Variants in NCKAP5L observed in about 807,000 individuals in gnomAD.
NCKAP5L encodes nck-associated protein 5-like.
A neutral mutation model predicts 103.2 loss-of-function variants in NCKAP5L; 54 were observed. The ratio of observed to expected loss-of-function variants is 0.52; its 90% CI spans 0.42 to 0.66. NCKAP5L has a LOEUF of 0.66. Ranked by LOEUF, NCKAP5L falls within the 30% of genes least tolerant of loss-of-function variation. NCKAP5L has a pLI of 0.00. For synonymous variants in NCKAP5L, 762 were observed against 748.6 expected (o/e 1.02, Z -0.29); for missense variants, 1,733 against 1,750.6 (o/e 0.99, Z 0.18).
intron 8 of NCKAP5L, 29 bp downstream of exon 8, chr12:49,794,736 G>A (rs749780952): frequency 3.5e-6 from 5 of 1,433,126 alleles, no homozygotes; most frequent in Non-Finnish European, 4.6e-6. Flanking sequence ...AGCCCACCAA[G>A]CCCCTGTTGA....
At chr12:49,811,778 T>C (rs1231149665) in intron 1 of NCKAP5L, among the ~76,000 whole-genome samples, 1 of 151,996 alleles carries the variant, frequency 6.6e-6, no homozygotes, top group Non-Finnish European at 1.5e-5. Flanking sequence ...TTTTATTCTC[T>C]TAAACAAACA....
rs527931673 is a variant in NCKAP5L, at chr12:49,796,457, C to T, written c.1403G>A (p.Ser468Asn). ...FLKLPPTSEK[S>N]PSPGGPQLSP... ...GAGCTGCGGGCCTCCTGGGCTGGGGCTCTTCTCCGAGGTTGGAGGCAGCTT... is the reference window on the plus strand; with the variant it reads ...GAGCTGCGGGCCTCCTGGGCTGGGGTTCTTCTCCGAGGTTGGAGGCAGCTT... Residue 468 changes from serine (S) to asparagine (N), a missense_variant, in exon 8 of 13, where the codon AGC becomes AAC. Transcript: ENST00000335999. 5 of 1,535,062 alleles carry T rather than the reference C, an allele frequency of 3.3e-6. No individual in the cohort carries two copies. The South Asian group carries it at 6.3e-5, about 19-fold the overall frequency.
Position 49,803,144 on chromosome 12 carries a change from G to A in NCKAP5L, c.145C>T (p.Gln49Ter). 6.2e-7 allele frequency: 1 copy of A among 1,614,172 alleles called. No individual in the cohort carries two copies. The highest frequency in any genetic ancestry group is 8.5e-7 in the Non-Finnish European group (1 of 1,180,038). ...ELEAENSALA[Q>*]ANENQRETYE... Reference sequence around the variant, plus strand: ...GTCTCCCGCTGGTTTTCGTTGGCCTGGGCAAGTGCCGAGTTCTCTGCCTGC... The same window carrying A: ...GTCTCCCGCTGGTTTTCGTTGGCCTAGGCAAGTGCCGAGTTCTCTGCCTGC... Residue 49 changes from glutamine (Q) to a stop codon, truncating the protein, a stop_gained, in exon 4 of 13, where the codon CAG becomes TAG. Coordinates refer to ENST00000335999, the MANE Select transcript of NCKAP5L (RefSeq NM_001037806.4). LOFTEE classifies it high-confidence loss of function.
At position 49,795,054 on chromosome 12, in the gene NCKAP5L, C is replaced by G; in HGVS notation, c.2806G>C (p.Glu936Gln). The change falls in exon 8 of 13, where the codon GAG (glutamate) becomes CAG (glutamine). Residue 936 changes from glutamate to glutamine, a missense_variant. Physicochemically the swap from Glu to Gln is conservative, Grantham distance 29. Transcript: ENST00000335999. ...GCCCCCTCCTTGTTCTTGGTGGCCTCTGTGCGGCGGTTCAGCGCTGGCAGC... is the reference window on the plus strand; with the variant it reads ...GCCCCCTCCTTGTTCTTGGTGGCCTGTGTGCGGCGGTTCAGCGCTGGCAGC... ...SKLPALNRRT[E>Q]ATKNKEGAGG... The G allele has an allele frequency of 6.2e-7, 1 of 1,610,866 alleles. No homozygotes were observed. The highest frequency in any genetic ancestry group is 2.2e-5 in the East Asian group (1 of 44,804).
chr12:49,819,070 C>T (rs1421146784), intron 1 of NCKAP5L, among the ~76,000 whole-genome samples: 3 of 150,924 alleles, frequency 2.0e-5, no homozygotes, highest in African/African-American at 4.9e-5. Context: ...CAGTGGCTCG[C>T]GCCTGTAATC....
In NCKAP5L at chr12:49,797,813, A is replaced by G. The variant is rs188249587; in HGVS notation, c.466-419T>C. On this transcript the variant is annotated intron_variant, in intron 7 of 12. Transcript: ENST00000335999. The surrounding 1 kb of genome is among the most constrained non-coding windows in gnomAD (Gnocchi z 4.5). ...GTGTGATGTGGCCAAGTCCTAAGTC[A>G]GTCACTATAGGCAAACCCAGGCCTC... is the stretch of plus-strand genomic sequence containing the variant. Among the ~76,000 whole-genome samples, 88 of 152,286 alleles carry G rather than the reference A, an allele frequency of 5.8e-4. 1 individual carries two copies. Among genetic ancestry groups the G allele is most frequent in the African/African-American group, 2.0e-3 (82 of 41,570 alleles).
At chr12:49,799,855 T>G (rs1946099444) in intron 6 of NCKAP5L, among the ~76,000 whole-genome samples, 1 of 152,210 alleles carries the variant, frequency 6.6e-6, no homozygotes, top group Non-Finnish European at 1.5e-5. Flanking sequence ...GCTCATGCTG[T>G]TCTTTCCACA....
chr12:49,810,453 G>A (rs938639564), intron 1 of NCKAP5L, among the ~76,000 whole-genome samples: 24 of 152,266 alleles, frequency 1.6e-4, no homozygotes, highest in African/African-American at 5.1e-4. Flanking sequence ...GTTTCTTCAC[G>A]CCAAGTGGTT....
chr12:49,808,374 G>A (rs1255907140), intron 1 of NCKAP5L, among the ~76,000 whole-genome samples: 2 of 152,202 alleles, frequency 1.3e-5, no homozygotes, highest in Non-Finnish European at 2.9e-5. Context: ...CCCAGGATGA[G>A]GGGGCCTCCT....
chr12:49,807,792 GC>G (rs1404007381), intron 1 of NCKAP5L, among the ~76,000 whole-genome samples: 2 of 152,166 alleles, frequency 1.3e-5, no homozygotes, highest in African/African-American at 4.8e-5. Context: ...GCAGCAACCT[GC>G]CCATCGGTCC....
At chr12:49,794,708 G>C in intron 8 of NCKAP5L, 57 bp downstream of exon 8, 3 of 1,339,250 alleles carry the variant, frequency 2.2e-6, no homozygotes, top group South Asian at 3.2e-5. Flanking sequence ...GTGTGCCCAC[G>C]AAGGGAAAAG....
intron 3 of NCKAP5L, 150 bp from the exon 4 acceptor site, chr12:49,803,315 G>A: frequency 1.3e-6 from 1 of 754,496 alleles, no homozygotes; most frequent in Non-Finnish European, 2.2e-6. Context: ...ATTCTCATAT[G>A]AGGAATCCTG....
At position 49,796,447 on chromosome 12, in the gene NCKAP5L, T is replaced by C; in HGVS notation, c.1413A>G (p.Pro471=). ...GCTGGGGACTGAGCTGCGGGCCTCC[T>C]GGGCTGGGGCTCTTCTCCGAGGTTG... ...LPPTSEKSPS[P]GGPQLSPQLP... Residue 471 remains proline, a synonymous_variant, in exon 8 of 13, where the codon CCA becomes CCG. Transcript: ENST00000335999. 6.5e-7 allele frequency: 1 copy of C among 1,541,342 alleles called. No homozygotes were observed.
rs1945960408 is a variant in NCKAP5L, at chr12:49,792,808, G to C, written c.3519C>G (p.Ala1173=). 1 of 1,595,164 alleles carries C rather than the reference G, an allele frequency of 6.3e-7. No homozygotes were observed. The highest frequency in any genetic ancestry group is 8.5e-7 in the Non-Finnish European group (1 of 1,173,716). Residue 1173 remains alanine (A), a synonymous_variant, in exon 11 of 13, where the codon GCC becomes GCG. Coordinates refer to ENST00000335999, the MANE Select transcript of NCKAP5L (RefSeq NM_001037806.4). This position sits in a 1 kb window ranked among gnomAD's most constrained non-coding sequence, Gnocchi z 4.5. ...PPPLTKVPRR[A]HTLEREVPGI... ...CTGGCACCTCCCGCTCCAGTGTGTG[G>C]GCGCGGCGGGGGACTTTGGTAAGGG... is the stretch of plus-strand genomic sequence containing the variant.
At chr12:49,803,412 G>A (rs947002673) in intron 3 of NCKAP5L, among the ~76,000 whole-genome samples, 2 of 152,182 alleles carry the variant, frequency 1.3e-5, no homozygotes, top group African/African-American at 4.8e-5. Flanking sequence ...TGGGGGCTCT[G>A]GGGGATACAG....
Position 49,796,132 on chromosome 12 carries a change from T to C in NCKAP5L, c.1728A>G (p.Pro576=). The C allele has an allele frequency of 1.2e-6, 2 of 1,611,568 alleles. No homozygotes were observed. The highest frequency in any genetic ancestry group is 1.7e-6 in the Non-Finnish European group (2 of 1,179,088). Reference sequence around the variant, plus strand: ...GGTAGGTGGGCACCTGCAGTGGGGATGGAGGTGGCTCTGGGGAAGGCCCCC... The same window carrying C: ...GGTAGGTGGGCACCTGCAGTGGGGACGGAGGTGGCTCTGGGGAAGGCCCCC... The part of the protein sequence containing the change: ...TFRGPSPEPP[P]SPLQVPTYPQ... Residue 576 remains proline, a synonymous_variant, in exon 8 of 13, where the codon CCA becomes CCG. Coordinates refer to ENST00000335999, the MANE Select transcript of NCKAP5L (RefSeq NM_001037806.4).
intron 8 of NCKAP5L, 51 bp downstream of exon 8, chr12:49,794,708 GAAGGGA>G (rs1171927224): frequency 5.2e-5 from 70 of 1,339,136 alleles, no homozygotes; most frequent in Non-Finnish European, 6.2e-5. Context: ...GTGTGCCCAC[GAAGGGA>G]AAAGTGCCCC....
chr12:49,814,920 A>G (rs1157236204), intron 1 of NCKAP5L, among the ~76,000 whole-genome samples: 1 of 152,182 alleles, frequency 6.6e-6, no homozygotes, highest in Non-Finnish European at 1.5e-5. Flanking sequence ...GGACTGGTCA[A>G]CATTTTGGAG....
rs1946122801 is a variant in NCKAP5L, at chr12:49,801,847, C to A, written c.351+1G>T. The A allele has an allele frequency of 6.2e-7, 1 of 1,613,920 alleles. No individual in the cohort carries two copies. Among genetic ancestry groups the A allele is most frequent in the Non-Finnish European group, 8.5e-7 (1 of 1,179,854 alleles). On this transcript the variant is annotated splice_donor_variant, in intron 6 of 12. Transcript: ENST00000335999. LOFTEE classifies it high-confidence loss of function. Reference sequence around the variant, plus strand: ...GGAGTGAAAGGAGCGCAGATGCCTACCTGAGGGAGCGAGCCTGTCGTGAGC... The same window carrying A: ...GGAGTGAAAGGAGCGCAGATGCCTAACTGAGGGAGCGAGCCTGTCGTGAGC...
Sources: gnomAD v4.1 joint callset for allele counts (sites outside exome capture counted in the v4.1 genomes callset) on GRCh38, gnomAD v4.1.1 for gene constraint, Gnocchi (gnomAD v3.1) non-coding constraint, MANE v1.5 for transcripts, NCBI Gene and HGNC (gene_info 2026-07-23, HGNC 2026-07-21) for gene names.